The following MECOM variants were observed in gnomAD, a reference collection of about 807,000 sequenced individuals.
The protein encoded by MECOM is histone-lysine N-methyltransferase MECOM.
MECOM carries 13 observed loss-of-function variants against 116.3 expected under a neutral mutation model. That is an observed-to-expected ratio of 0.11 (90% CI 0.07 to 0.18). The LOEUF is 0.18. MECOM is among the 10% of genes least tolerant of loss of function. The pLI, the probability that MECOM is intolerant of heterozygous loss-of-function variation, is 1.00. For synonymous variants in MECOM, 528 were observed against 535.2 expected (o/e 0.99, Z 0.19); for missense variants, 1,299 against 1,509.0 (o/e 0.86, Z 2.31).
chr3:169,299,282 G>A (rs1206954838), intron 2 of MECOM, among the ~76,000 whole-genome samples: 1 of 151,982 alleles, frequency 6.6e-6, no homozygotes, highest in African/African-American at 2.4e-5. Context: ...CTGTAAACCC[G>A]CCGCCCAAAC....
chr3:169,336,639 T>C (rs1331011728), intron 2 of MECOM, among the ~76,000 whole-genome samples: 1 of 152,110 alleles, frequency 6.6e-6, no homozygotes, highest in Non-Finnish European at 1.5e-5. Context: ...CATTTCCGTT[T>C]ATTGCTACAC....
chr3:169,419,086 T>C (rs1042372670), intron 1 of MECOM, among the ~76,000 whole-genome samples: 1 of 152,140 alleles, frequency 6.6e-6, no homozygotes, highest in Non-Finnish European at 1.5e-5. Flanking sequence ...TCACAAGCAT[T>C]CCTATACACC....
intron 2 of MECOM, among the ~76,000 whole-genome samples, chr3:169,157,801 A>C (rs1742213585): frequency 6.6e-6 from 1 of 152,190 alleles, no homozygotes; most frequent in African/African-American, 2.4e-5. Flanking sequence ...AGTGCCCTAC[A>C]ACTAGAAGGG....
At chr3:169,262,071 G>T (rs898222622) in intron 2 of MECOM, among the ~76,000 whole-genome samples, 5 of 152,130 alleles carry the variant, frequency 3.3e-5, no homozygotes, top group Admixed American at 2.0e-4. Context: ...CTAGGAGCTT[G>T]GAATAAACTA....
chr3:169,571,786 C>A (rs764340741), intron 1 of MECOM, among the ~76,000 whole-genome samples: 6 of 151,874 alleles, frequency 4.0e-5, no homozygotes, highest in Non-Finnish European at 7.4e-5. Context: ...ACTGGCTAGC[C>A]GTGCAGAAAA....
intron 1 of MECOM, among the ~76,000 whole-genome samples, chr3:169,598,329 G>A (rs562099223): frequency 6.6e-6 from 1 of 152,190 alleles, no homozygotes; most frequent in South Asian, 2.1e-4. Context: ...CTTCGCAGCT[G>A]TAATTTCCAT....
At chr3:169,403,653 TC>T (rs1207462690) in intron 1 of MECOM, among the ~76,000 whole-genome samples, 1 of 152,156 alleles carries the variant, frequency 6.6e-6, no homozygotes, top group Non-Finnish European at 1.5e-5. Flanking sequence ...TGACGATAAA[TC>T]CCTTTTAGGG....
chr3:169,134,322 T>C (rs1401204277), intron 3 of MECOM, among the ~76,000 whole-genome samples: 1 of 152,190 alleles, frequency 6.6e-6, no homozygotes, highest in African/African-American at 2.4e-5. Context: ...CAGATTGTCA[T>C]GTGAAGAATA....
At chr3:169,649,720 G>A (rs191444766) in intron 1 of MECOM, among the ~76,000 whole-genome samples, 3 of 152,208 alleles carry the variant, frequency 2.0e-5, no homozygotes. Flanking sequence ...ATGCCCTCAT[G>A]GAACAACCAG....
intron 2 of MECOM, among the ~76,000 whole-genome samples, chr3:169,227,668 C>G (rs1269455460): frequency 1.3e-5 from 2 of 151,996 alleles, no homozygotes; most frequent in Admixed American, 6.6e-5. Flanking sequence ...CCAAGAAATG[C>G]GTTGGAAAGG....
intron 2 of MECOM, among the ~76,000 whole-genome samples, chr3:169,322,645 A>G (rs915010825): frequency 2.6e-5 from 4 of 152,178 alleles, no homozygotes; most frequent in African/African-American, 4.8e-5. Context: ...AAAATTATAA[A>G]GACAGCAAAT....
intron 1 of MECOM, among the ~76,000 whole-genome samples, chr3:169,436,388 T>G: frequency 6.6e-6 from 1 of 151,914 alleles, no homozygotes; most frequent in Non-Finnish European, 1.5e-5. Flanking sequence ...CTAGTTAGTA[T>G]TACGGGCATG....
intron 1 of MECOM, among the ~76,000 whole-genome samples, chr3:169,515,765 G>A (rs12488402): frequency 0.018 from 2,755 of 152,262 alleles, 30 homozygotes; most frequent in Middle Eastern, 0.037. Context: ...ATACTACAGA[G>A]GGAAGCATCT....
chr3:169,146,844 G>A, intron 2 of MECOM: 3 of 1,066,840 alleles, frequency 2.8e-6, no homozygotes, highest in East Asian at 7.2e-5. Context: ...AAACGATCCC[G>A]AGCAACATTT....
intron 1 of MECOM, among the ~76,000 whole-genome samples, chr3:169,437,174 T>C (rs1222659117): frequency 6.6e-6 from 1 of 152,206 alleles, no homozygotes; most frequent in Admixed American, 6.5e-5. Context: ...GCTTACAATA[T>C]TAAACTAATA....
At position 169,523,144 on chromosome 3, in the gene MECOM, A is replaced by G. The variant is rs181973404; in HGVS notation, c.37+140192T>C. Among the ~76,000 whole-genome samples, 355 of 152,328 alleles carry G rather than the reference A, an allele frequency of 2.3e-3. 1 individual carries two copies. The highest frequency in any genetic ancestry group is 3.7e-3 in the South Asian group (18 of 4,824). On this transcript the variant is annotated intron_variant, in intron 1 of 16. Coordinates refer to ENST00000651503, the MANE Select transcript of MECOM (RefSeq NM_004991.4). ...ACAAAATGTGATGATGAATATATTA[A>G]GTAGAAATGCATCCAAAAGCAATTT...
intron 1 of MECOM, among the ~76,000 whole-genome samples, chr3:169,402,035 T>C (rs183834228): frequency 6.6e-6 from 1 of 152,144 alleles, no homozygotes; most frequent in African/African-American, 2.4e-5. Context: ...TCAGAGGCTG[T>C]TTCAGTAGTC....
At chr3:169,281,827 A>T (rs182252858) in intron 2 of MECOM, among the ~76,000 whole-genome samples, 394 of 152,194 alleles carry the variant, frequency 2.6e-3, no homozygotes, top group African/African-American at 8.5e-3. Flanking sequence ...AATTTTTTTT[A>T]AAAAAAGACT....
intron 2 of MECOM, among the ~76,000 whole-genome samples, chr3:169,321,307 C>T (rs1322332901): frequency 3.3e-5 from 5 of 152,126 alleles, no homozygotes; most frequent in African/African-American, 1.2e-4. Context: ...TTTGGGAGGC[C>T]AAGGCAGGTG....
Sources: allele counts gnomAD v4.1 joint callset (sites outside exome capture counted in the v4.1 genomes callset), GRCh38; gene constraint gnomAD v4.1.1; transcripts MANE v1.5; gene names NCBI Gene and HGNC (gene_info 2026-07-23, HGNC 2026-07-21).